Variants in LRRC4C observed in about 807,000 individuals in gnomAD.
The protein encoded by LRRC4C is leucine rich repeat containing 4C.
Under a neutral mutation model 33.6 loss-of-function variants are expected in LRRC4C, and 5 were observed. The ratio of observed to expected loss-of-function variants is 0.15; its 90% CI spans 0.08 to 0.31. The LOEUF is 0.31. Ranked by LOEUF, LRRC4C falls within the 10% of genes least tolerant of loss-of-function variation. The probability of loss-of-function intolerance (pLI) is 1.00; values close to 1 mark genes in which losing one functional copy is unlikely to be tolerated. For missense variants in LRRC4C, 560 were observed against 796.7 expected, an observed-to-expected ratio of 0.70 and a Z score of 3.58; for synonymous variants, 329 against 302.0, an observed-to-expected ratio of 1.09 and a Z score of -0.93.
At chr11:41,085,183 C>A (rs1939873639) in intron 1 of LRRC4C, among the ~76,000 whole-genome samples, 1 of 152,084 alleles carries the variant, frequency 6.6e-6, no homozygotes, top group Non-Finnish European at 1.5e-5. Flanking sequence ...AACATCTATT[C>A]AATGCTCAAG....
At chr11:41,241,375 C>T (rs886165106) in intron 1 of LRRC4C, among the ~76,000 whole-genome samples, 2 of 151,986 alleles carry the variant, frequency 1.3e-5, no homozygotes, top group Non-Finnish European at 2.9e-5. Flanking sequence ...TAATCATGAC[C>T]ATGAAACATG....
intron 3 of LRRC4C, among the ~76,000 whole-genome samples, chr11:40,642,199 A>G (rs1272253359): frequency 6.9e-6 from 1 of 145,148 alleles, no homozygotes; most frequent in African/African-American, 2.6e-5. Flanking sequence ...TTTAAAATAT[A>G]TACAAGTATA....
At chr11:41,426,251 C>T (rs1955038884) in intron 1 of LRRC4C, 1 of 152,214 alleles carries the variant, frequency 6.6e-6, no homozygotes, top group African/African-American at 2.4e-5. Flanking sequence ...TGTTCCACAG[C>T]TTCTAACATA....
chr11:41,107,184 T>C (rs971921123), intron 1 of LRRC4C, among the ~76,000 whole-genome samples: 11 of 151,866 alleles, frequency 7.2e-5, no homozygotes, highest in Admixed American at 3.9e-4. Flanking sequence ...ATGTTGGTAC[T>C]CAAAAAAGTT....
intron 1 of LRRC4C, among the ~76,000 whole-genome samples, chr11:41,077,035 A>G (rs1939203781): frequency 6.6e-6 from 1 of 152,204 alleles, no homozygotes; most frequent in African/African-American, 2.4e-5. Flanking sequence ...CTTTGATTCC[A>G]TGTCTCACAT....
At chr11:41,045,561 T>A (rs1038279917) in intron 1 of LRRC4C, among the ~76,000 whole-genome samples, 5 of 152,088 alleles carry the variant, frequency 3.3e-5, no homozygotes, top group Non-Finnish European at 7.4e-5. Context: ...CAAGTAAGGA[T>A]ATGTGCTCTT....
intron 2 of LRRC4C, among the ~76,000 whole-genome samples, chr11:40,689,192 A>G (rs908209489): frequency 6.6e-6 from 1 of 152,094 alleles, no homozygotes; most frequent in Non-Finnish European, 1.5e-5. Context: ...TCTCTGCTTT[A>G]TCTTGTTTAA....
chr11:41,064,050 C>G (rs183184124), intron 1 of LRRC4C, among the ~76,000 whole-genome samples: 1 of 152,240 alleles, frequency 6.6e-6, no homozygotes, highest in East Asian at 1.9e-4. Flanking sequence ...GGTTTATACT[C>G]CATTGTATCT....
intron 1 of LRRC4C, among the ~76,000 whole-genome samples, chr11:41,128,266 C>CA (rs10648242): frequency 0.22 from 32,187 of 146,044 alleles, 3,759 homozygotes; most frequent in East Asian, 0.38. Flanking sequence ...GTCATACCTC[C>CA]AAAAAAAAAA....
intron 2 of LRRC4C, among the ~76,000 whole-genome samples, chr11:40,929,596 TC>T (rs1473898026): frequency 6.6e-6 from 1 of 152,074 alleles, no homozygotes; most frequent in Non-Finnish European, 1.5e-5. Context: ...TTCTAGTTAT[TC>T]AATTCTTTTT....
intron 3 of LRRC4C, among the ~76,000 whole-genome samples, chr11:40,429,897 G>C (rs1555056203): frequency 6.6e-6 from 1 of 152,128 alleles, no homozygotes; most frequent in Non-Finnish European, 1.5e-5. Flanking sequence ...TTTCTCCAGT[G>C]TTAAATATAA....
chr11:40,146,378 C>T (rs1232228338), intron 5 of LRRC4C, among the ~76,000 whole-genome samples: 1 of 152,078 alleles, frequency 6.6e-6, no homozygotes, highest in East Asian at 1.9e-4. Flanking sequence ...AATAGCAAAC[C>T]TAGGGGAAAG....
chr11:40,503,307 G>C (rs989466140), intron 3 of LRRC4C, among the ~76,000 whole-genome samples: 9 of 152,136 alleles, frequency 5.9e-5, no homozygotes, highest in African/African-American at 2.2e-4. Context: ...CTAACACAGT[G>C]TTCATGCTAT....
At chr11:41,266,494 A>C (rs1949156368) in intron 1 of LRRC4C, among the ~76,000 whole-genome samples, 1 of 152,162 alleles carries the variant, frequency 6.6e-6, no homozygotes, top group Non-Finnish European at 1.5e-5. Flanking sequence ...AGAAAAAGGA[A>C]TAGACAATTT....
chr11:40,696,423 G>A (rs1420413684), intron 2 of LRRC4C, among the ~76,000 whole-genome samples: 2 of 144,350 alleles, frequency 1.4e-5, no homozygotes, highest in Admixed American at 7.1e-5. Flanking sequence ...TATATATGCT[G>A]GAGGTTATAT....
Position 40,249,993 on chromosome 11 carries a change from C to CA in LRRC4C, c.-175-8396dup, listed in dbSNP as rs577652077. ...GCAAGTTAAGCCCTGGAGACTGTCG[C>CA]ATTGCATGTTTGCAACTTCTGCTTC... On this transcript the variant is annotated intron_variant, in intron 4 of 6. Transcript: ENST00000528697. 3.1e-3 allele frequency among the ~76,000 whole-genome samples: 454 copies of CA among 146,778 alleles called. 1 individual carries two copies. Among genetic ancestry groups the CA allele is most frequent in the Non-Finnish European group, 5.1e-3 (336 of 66,050 alleles).
chr11:40,369,686 T>C (rs1463033929), intron 3 of LRRC4C, among the ~76,000 whole-genome samples: 1 of 152,236 alleles, frequency 6.6e-6, no homozygotes, highest in African/African-American at 2.4e-5. Flanking sequence ...TTGGCAAACA[T>C]AATTGTATAT....
chr11:40,359,438 A>G (rs1019658447), intron 3 of LRRC4C, among the ~76,000 whole-genome samples: 1 of 152,202 alleles, frequency 6.6e-6, no homozygotes, highest in Admixed American at 6.5e-5. Flanking sequence ...AAAGCCATCC[A>G]TTATTTGTAA....
chr11:41,401,679 G>A (rs1283026816), intron 1 of LRRC4C, among the ~76,000 whole-genome samples: 2 of 151,898 alleles, frequency 1.3e-5, no homozygotes, highest in Non-Finnish European at 2.9e-5. Context: ...CTTACTAGCT[G>A]TGAAATTTTG....
Sources: allele counts gnomAD v4.1 joint callset (sites outside exome capture counted in the v4.1 genomes callset), GRCh38; gene constraint gnomAD v4.1.1; transcripts MANE v1.5; gene names NCBI Gene and HGNC (gene_info 2026-07-23, HGNC 2026-07-21).